GPHN: variants seen among roughly 807,000 people sequenced by gnomAD.
GPHN encodes gephyrin.
Under a neutral mutation model 95.5 loss-of-function variants are expected in GPHN, and 17 were observed. The observed-to-expected ratio is 0.18, with a 90% CI of 0.12 to 0.27. The LOEUF (loss-of-function observed/expected upper bound fraction) is 0.27, where lower values mean the gene tolerates loss of function less well. Among genes scored for constraint, GPHN ranks in the 10% least tolerant of loss-of-function variants. GPHN has a pLI of 1.00. For synonymous variants in GPHN, 320 were observed against 322.5 expected (o/e 0.99, Z 0.08); for missense variants, 660 against 978.1 (o/e 0.67, Z 4.34).
chr14:67,509,494 T>C, the GPHN span, among the ~76,000 whole-genome samples: 4 of 152,156 alleles, frequency 2.6e-5, no homozygotes, highest in African/African-American at 4.8e-5. Flanking sequence ...AATTTTTGTG[T>C]TTTTAGTAGA....
intron 9 of GPHN, among the ~76,000 whole-genome samples, chr14:66,978,790 G>T (rs2070439285): frequency 6.6e-6 from 1 of 152,118 alleles, no homozygotes; most frequent in Admixed American, 6.6e-5. Flanking sequence ...AATTTACTTT[G>T]CTCAGATCAA....
At chr14:67,692,945 A>T in the GPHN span, 2 of 1,612,178 alleles carry the variant, frequency 1.2e-6, no homozygotes, top group Non-Finnish European at 1.7e-6. Flanking sequence ...TCTCTGAGCC[A>T]GCTCTTTGGC....
chr14:67,509,600 T>C, the GPHN span, among the ~76,000 whole-genome samples: 1 of 152,196 alleles, frequency 6.6e-6, no homozygotes, highest in Admixed American at 6.5e-5. Flanking sequence ...ATTACAGGCA[T>C]GAGCCACCGC....
At chr14:67,039,112 T>C (rs2074573058) in intron 10 of GPHN, among the ~76,000 whole-genome samples, 1 of 152,196 alleles carries the variant, frequency 6.6e-6, no homozygotes, top group Non-Finnish European at 1.5e-5. Flanking sequence ...CCATTTTCCA[T>C]AGTACTAAGC....
chr14:67,261,221 G>A, the GPHN span, among the ~76,000 whole-genome samples: 5 of 152,090 alleles, frequency 3.3e-5, no homozygotes, highest in East Asian at 1.9e-4. Flanking sequence ...GGAGTGCTTC[G>A]GAAAGTTAAT....
chr14:66,979,690 T>G (rs2070515755), intron 9 of GPHN, among the ~76,000 whole-genome samples: 1 of 152,226 alleles, frequency 6.6e-6, no homozygotes, highest in Non-Finnish European at 1.5e-5. Flanking sequence ...GCGTACCACT[T>G]TAAATTTCCT....
At chr14:66,792,760 A>G (rs2153472423) in intron 3 of GPHN, among the ~76,000 whole-genome samples, 1 of 152,314 alleles carries the variant, frequency 6.6e-6, no homozygotes, top group East Asian at 1.9e-4. Context: ...AGAAATATAG[A>G]GATGTGAAGT....
intron 18 of GPHN, among the ~76,000 whole-genome samples, chr14:67,144,421 C>T (rs1352589581): frequency 6.6e-6 from 1 of 150,430 alleles, no homozygotes; most frequent in Non-Finnish European, 1.5e-5. Context: ...TGTTAGTTTA[C>T]GATGACTATT....
At chr14:67,609,406 T>C in the GPHN span, among the ~76,000 whole-genome samples, 1 of 152,216 alleles carries the variant, frequency 6.6e-6, no homozygotes, top group African/African-American at 2.4e-5. Flanking sequence ...CCGCCTTCCC[T>C]GTACCCCATA....
In GPHN at chr14:66,942,911, A is replaced by AATTCT. The variant is rs1359085590; in HGVS notation, c.828+18619_828+18620insATTCT. Reference sequence around the variant, plus strand: ...CTATTGTTATGAAATAGAATTCCAGATTACCATGAATTATTTATTTTGCCA... The same window carrying AATTCT: ...CTATTGTTATGAAATAGAATTCCAGAATTCTTTACCATGAATTATTTATTTTGCCA... On this transcript the variant is annotated intron_variant, in intron 8 of 22. Coordinates refer to ENST00000478722, the MANE Select transcript of GPHN (RefSeq NM_020806.5). 5.4e-4 allele frequency among the ~76,000 whole-genome samples: 83 copies of AATTCT among 152,314 alleles called. 2 individuals carry two copies. The highest frequency in any genetic ancestry group is 1.9e-3 in the African/African-American group (81 of 41,568).
At chr14:67,358,875 G>T in the GPHN span, among the ~76,000 whole-genome samples, 1 of 152,210 alleles carries the variant, frequency 6.6e-6, no homozygotes, top group Non-Finnish European at 1.5e-5. Flanking sequence ...GCCCACAACT[G>T]AGCGTATTCC....
At chr14:66,530,903 C>T (rs990093461) in intron 1 of GPHN, among the ~76,000 whole-genome samples, 7 of 151,500 alleles carry the variant, frequency 4.6e-5, no homozygotes, top group Non-Finnish European at 1.0e-4. Context: ...TGTTCCTATT[C>T]GGCCATCTTG....
chr14:66,656,518 T>G (rs1202176271), intron 1 of GPHN, among the ~76,000 whole-genome samples: 1 of 152,194 alleles, frequency 6.6e-6, no homozygotes, highest in Non-Finnish European at 1.5e-5. Context: ...TGCTCAAAGA[T>G]TGTGCTTTTT....
At chr14:67,351,873 ATT>A in the GPHN span, among the ~76,000 whole-genome samples, 8 of 148,922 alleles carry the variant, frequency 5.4e-5, no homozygotes, top group African/African-American at 2.0e-4. Context: ...TATTTTTAAC[ATT>A]TTACACATTA....
rs1461127355 is a variant in GPHN at position 66,731,570 on chromosome 14, T to C, written c.144-44894T>C. On this transcript the variant is annotated intron_variant, in intron 2 of 22. Coordinates refer to ENST00000478722, the MANE Select transcript of GPHN (RefSeq NM_020806.5). ...TGAACTTGAGGGAGATGATCTGAAA[T>C]TGGAACTTATGTTTAAAAGGGAAGC... Among the ~76,000 whole-genome samples the C allele has an allele frequency of 2.6e-5, 4 of 152,166 alleles. No individual in the cohort carries two copies. The East Asian group carries it at 7.7e-4, about 29-fold the overall frequency.
At chr14:67,614,520 T>C in the GPHN span, among the ~76,000 whole-genome samples, 7 of 151,760 alleles carry the variant, frequency 4.6e-5, no homozygotes, top group Non-Finnish European at 1.0e-4. Flanking sequence ...ATCTCAGTTT[T>C]GGGAGGCTGA....
chr14:67,239,770 C>T, the GPHN span, among the ~76,000 whole-genome samples: 2 of 152,158 alleles, frequency 1.3e-5, no homozygotes, highest in South Asian at 2.1e-4. Context: ...GGAGGAGTAT[C>T]GCTTGAACCC....
At chr14:67,517,224 G>A in the GPHN span, among the ~76,000 whole-genome samples, 145 of 152,256 alleles carry the variant, frequency 9.5e-4, no homozygotes, top group African/African-American at 3.3e-3. Context: ...CCCTTGCCAC[G>A]AAGGCATAGT....
the GPHN span, chr14:67,279,711 A>G: frequency 1.8e-6 from 1 of 542,458 alleles, no homozygotes; most frequent in African/African-American, 1.9e-5. Flanking sequence ...ACTGTTACCA[A>G]CATAGAGCTA....
Sources: allele counts gnomAD v4.1 joint callset (sites outside exome capture counted in the v4.1 genomes callset), GRCh38; gene constraint gnomAD v4.1.1; transcripts MANE v1.5; gene names NCBI Gene and HGNC (gene_info 2026-07-23, HGNC 2026-07-21).